NME7: variants seen among roughly 807,000 people sequenced by gnomAD.
NME7 encodes the protein NME/NM23 family member 7.
NME7 carries 41 observed loss-of-function variants against 49.1 expected under a neutral mutation model. The observed-to-expected ratio is 0.83, with a 90% CI of 0.65 to 1.08. The LOEUF (loss-of-function observed/expected upper bound fraction) is 1.08. NME7 is among the 50% of genes least tolerant of loss of function. The pLI, the probability that NME7 is intolerant of heterozygous loss-of-function variation, is 0.00. For synonymous variants in NME7, 139 were observed against 150.6 expected, an observed-to-expected ratio of 0.92 and a Z score of 0.56; for missense variants, 423 against 463.4, an observed-to-expected ratio of 0.91 and a Z score of 0.80.
At chr1:169,219,563 A>ATGT (rs1661077883) in intron 10 of NME7, among the ~76,000 whole-genome samples, 1 of 123,582 alleles carries the variant, frequency 8.1e-6, no homozygotes, top group Admixed American at 7.8e-5. Context: ...CCTTTATCAT[A>ATGT]TCTTATAATT....
chr1:169,183,719 G>A (rs1032961465), intron 10 of NME7, among the ~76,000 whole-genome samples: 31 of 151,996 alleles, frequency 2.0e-4, no homozygotes, highest in Non-Finnish European at 2.2e-4. Context: ...GGAGAATGGC[G>A]TGAACCCGGG....
At chr1:169,168,358 T>C (rs1411676214) in intron 11 of NME7, among the ~76,000 whole-genome samples, 1 of 152,212 alleles carries the variant, frequency 6.6e-6, no homozygotes, top group Non-Finnish European at 1.5e-5. Flanking sequence ...AGGCAGATAC[T>C]GAGGTTGCTG....
At chr1:169,251,832 C>T (rs1162034371) in intron 7 of NME7, among the ~76,000 whole-genome samples, 6 of 151,478 alleles carry the variant, frequency 4.0e-5, no homozygotes, top group African/African-American at 1.2e-4. Context: ...GTTCTTGCAA[C>T]AGTTTACTGA....
At chr1:169,212,075 C>A (rs1660838564) in intron 10 of NME7, among the ~76,000 whole-genome samples, 1 of 152,100 alleles carries the variant, frequency 6.6e-6, no homozygotes, top group Non-Finnish European at 1.5e-5. Context: ...AAATCCAAGA[C>A]ACACAGTTAT....
Position 169,362,825 on chromosome 1 carries a change from C to T in NME7, c.3+4883G>A, listed in dbSNP as rs556647723. ...AGAAACTTGAAAATTTTACTCTAGC[C>T]AATTTTAGGCTTTCGTTAATTCAAA... On this transcript the variant is annotated intron_variant, in intron 1 of 11. Transcript: ENST00000367811. 3.3e-5 allele frequency among the ~76,000 whole-genome samples: 5 copies of T among 152,204 alleles called. No individual in the cohort carries two copies. In the South Asian group the frequency reaches 1.0e-3, roughly 32 times the overall value.
intron 7 of NME7, among the ~76,000 whole-genome samples, chr1:169,266,950 C>T (rs892180833): frequency 7.6e-6 from 1 of 132,422 alleles, no homozygotes; most frequent in Admixed American, 7.5e-5. Flanking sequence ...TGCCTGTAAT[C>T]CCAGCTACTT....
intron 1 of NME7, among the ~76,000 whole-genome samples, chr1:169,359,078 A>G (rs1375282230): frequency 2.0e-5 from 3 of 152,146 alleles, no homozygotes; most frequent in Non-Finnish European, 4.4e-5. Context: ...GATTGGTTCC[A>G]GGACTCCTAC....
intron 1 of NME7, among the ~76,000 whole-genome samples, chr1:169,344,357 G>A (rs548664757): frequency 2.3e-4 from 35 of 152,116 alleles, no homozygotes; most frequent in African/African-American, 5.1e-4. Flanking sequence ...TATCCTCTCC[G>A]GTCTAGATGT....
chr1:169,279,895 G>A (rs896425234), intron 7 of NME7, among the ~76,000 whole-genome samples: 13 of 152,192 alleles, frequency 8.5e-5, no homozygotes, highest in Non-Finnish European at 1.6e-4. Context: ...CCAAGTCTGT[G>A]CTATTGTGAA....
At chr1:169,317,572 T>C (rs1651695549) in intron 3 of NME7, among the ~76,000 whole-genome samples, 2 of 152,138 alleles carry the variant, frequency 1.3e-5, no homozygotes, top group Admixed American at 1.3e-4. Flanking sequence ...TCTAAGGCAT[T>C]AGGGTGCCCT....
At position 169,298,745 on chromosome 1, in the gene NME7, A is replaced by C. The variant is rs1262592138; in HGVS notation, c.459T>G (p.Ile153Met). ...RPFFNELIQF[I>M]TTGPIIAMEI... is the part of the protein sequence containing the mutation. ...CCATGGCAATAATAGGACCAGTTGT[A>C]ATAAACTGGATCAGCTCACTACAAA... The change falls in exon 6 of 12, where the codon ATT (isoleucine) becomes ATG (methionine). Residue 153 changes from isoleucine (I) to methionine (M), a missense_variant. By Grantham distance (10) the Ile-to-Met change is conservative (BLOSUM62 1). Transcript: ENST00000367811. 6.2e-7 allele frequency: 1 copy of C among 1,613,580 alleles called. No homozygotes were observed. Among genetic ancestry groups the C allele is most frequent in the South Asian group, 1.1e-5 (1 of 91,066 alleles).
intron 7 of NME7, 147 bp downstream of exon 7, chr1:169,287,156 A>G: frequency 1.5e-6 from 1 of 663,460 alleles, no homozygotes; most frequent in African/African-American, 1.9e-5. Flanking sequence ...TTTCCCTTAT[A>G]TTTTGTCACC....
At chr1:169,183,348 G>A (rs1231095141) in intron 10 of NME7, among the ~76,000 whole-genome samples, 5 of 152,074 alleles carry the variant, frequency 3.3e-5, no homozygotes, top group African/African-American at 4.8e-5. Flanking sequence ...TGTTAGACAT[G>A]TCTATTACTA....
intron 10 of NME7, among the ~76,000 whole-genome samples, chr1:169,220,420 G>C (rs983034738): frequency 1.3e-5 from 2 of 152,118 alleles, no homozygotes; most frequent in African/African-American, 4.8e-5. Context: ...GGATTTCTCA[G>C]GATGCTGGTC....
chr1:169,235,742 C>T (rs551977363), intron 8 of NME7, among the ~76,000 whole-genome samples: 44 of 152,132 alleles, frequency 2.9e-4, no homozygotes, highest in Admixed American at 2.7e-3. Flanking sequence ...CCCAAGCATT[C>T]GGAAAAATCC....
chr1:169,190,541 A>G, intron 10 of NME7: 1 of 298,276 alleles, frequency 3.4e-6, no homozygotes. Context: ...TTGGAGGTGG[A>G]ATAGGGGTAA....
At chr1:169,365,442 G>T (rs1010744379) in intron 1 of NME7, among the ~76,000 whole-genome samples, 1 of 152,178 alleles carries the variant, frequency 6.6e-6, no homozygotes, top group African/African-American at 2.4e-5. Flanking sequence ...GCAACAAGAG[G>T]GTGCAAGTAT....
At chr1:169,190,666 T>C (rs1187639304) in intron 10 of NME7, 5 of 446,136 alleles carry the variant, frequency 1.1e-5, no homozygotes, top group African/African-American at 2.0e-5. Context: ...CTTCTTTAGT[T>C]TGCCTAAATT....
At position 169,191,120 on chromosome 1, in the gene NME7, A is replaced by G. The variant is rs1230001031; in HGVS notation, c.991-21566T>C. 1.3e-5 allele frequency among the ~76,000 whole-genome samples: 2 copies of G among 151,824 alleles called. 1 individual carries two copies. The highest frequency in any genetic ancestry group is 4.8e-5 in the African/African-American group (2 of 41,324). ...AGCCACCGCGCCCGGCCGCAAGTGA[A>G]CTGTTTCTAAGAAAACAACCAGAAA... On this transcript the variant is annotated intron_variant, in intron 10 of 11. Transcript: ENST00000367811.
Sources: gnomAD v4.1 joint callset for allele counts (sites outside exome capture counted in the v4.1 genomes callset) on GRCh38, gnomAD v4.1.1 for gene constraint, MANE v1.5 for transcripts, NCBI Gene and HGNC (gene_info 2026-07-23, HGNC 2026-07-21) for gene names.